The following SYNJ2 variants were observed in gnomAD, a reference collection of about 807,000 sequenced individuals.
SYNJ2 encodes polyphosphatidylinositol phosphatase SYNJ2.
In SYNJ2, 116 loss-of-function variants were observed where a neutral mutation model predicts 141.3. The ratio of observed to expected loss-of-function variants is 0.82; its 90% CI spans 0.71 to 0.96. SYNJ2 has a LOEUF of 0.96. SYNJ2 is among the 40% of genes least tolerant of loss of function. The probability of loss-of-function intolerance (pLI) is 0.00; values close to 1 mark genes in which losing one functional copy is unlikely to be tolerated. For synonymous variants in SYNJ2, 745 were observed against 777.7 expected (o/e 0.96, Z 0.70); for missense variants, 1,873 against 1,934.8 (o/e 0.97, Z 0.60).
At chr6:157,996,472 C>T (rs2128317715) in intron 1 of SYNJ2, among the ~76,000 whole-genome samples, 1 of 152,252 alleles carries the variant, frequency 6.6e-6, no homozygotes, top group South Asian at 2.1e-4. Context: ...CTTTCTCCAC[C>T]CTCATCTCCC....
intron 5 of SYNJ2, among the ~76,000 whole-genome samples, chr6:158,049,360 C>G (rs747926505): frequency 6.6e-6 from 1 of 152,074 alleles, no homozygotes; most frequent in Non-Finnish European, 1.5e-5. Flanking sequence ...TAGGTGACAC[C>G]AGAGAAGGTG....
intron 5 of SYNJ2, among the ~76,000 whole-genome samples, chr6:158,047,792 A>AAAAAAAC (rs1780329978): frequency 6.7e-6 from 1 of 149,262 alleles, no homozygotes; most frequent in Non-Finnish European, 1.5e-5. Context: ...AAAAAAAAAA[A>AAAAAAAC]AAAAAAAAAA....
chr6:158,088,085 G>T (rs2128396979), intron 23 of SYNJ2, among the ~76,000 whole-genome samples: 1 of 58,754 alleles, frequency 1.7e-5, no homozygotes, highest in Non-Finnish European at 3.0e-5. Context: ...TTTTGAGATG[G>T]GCTCATTCTG....
chr6:158,071,717 C>G lies in SYNJ2; in HGVS notation c.2056C>G (p.Leu686Val), dbSNP rs149183400. ...CAGCTTCTGCTTCATATGTAGTCAC[C>G]TGACGGCCGGGCAGTCCCAGGTGAA... Reference protein sequence around the residue: ...STSFCFICSHLTAGQSQVKER... With the variant: ...STSFCFICSHVTAGQSQVKER... The change falls in exon 15 of 27, where the codon CTG (leucine) becomes GTG (valine). Residue 686 changes from leucine to valine, a missense_variant. Physicochemically the swap from Leu to Val is conservative, Grantham distance 32 (BLOSUM62 1). Coordinates refer to ENST00000355585, the MANE Select transcript of SYNJ2 (RefSeq NM_003898.4). This position sits in a 1 kb window ranked among gnomAD's most constrained non-coding sequence, Gnocchi z 4.3. 1.3e-4 allele frequency: 211 copies of G among 1,614,004 alleles called. No individual in the cohort carries two copies. The highest frequency in any genetic ancestry group is 1.7e-4 in the Non-Finnish European group (204 of 1,180,052).
At chr6:158,093,407 G>C (rs1226202921) in intron 26 of SYNJ2, among the ~76,000 whole-genome samples, 35 of 148,588 alleles carry the variant, frequency 2.4e-4, no homozygotes. Flanking sequence ...CTGCATTCCA[G>C]CCTGAGCAGC....
chr6:158,033,103 A>G (rs1427688117), intron 3 of SYNJ2, among the ~76,000 whole-genome samples: 1 of 152,240 alleles, frequency 6.6e-6, no homozygotes, highest in African/African-American at 2.4e-5. Flanking sequence ...TGGGGCCCAC[A>G]GGGCTAACCA....
Position 158,033,828 on chromosome 6 carries a change from T to C in SYNJ2, c.711+148T>C, listed in dbSNP as rs182600174. ...CCTCCTATAAGTGGAGAACAGCACGTGTAATTGGGCTCCACATGAAAATGT... is the reference window on the plus strand; with the variant it reads ...CCTCCTATAAGTGGAGAACAGCACGCGTAATTGGGCTCCACATGAAAATGT... On this transcript the variant is annotated intron_variant, in intron 4 of 26. Transcript: ENST00000355585. The C allele has an allele frequency of 9.8e-4, 734 of 752,246 alleles. 2 individuals are homozygous for C. Among genetic ancestry groups the C allele is most frequent in the Non-Finnish European group, 1.2e-3 (572 of 474,762 alleles). The allele number at this position is 752,246 out of a possible 1,614,324, so 46.6% of individuals were successfully genotyped here. A position where few individuals can be genotyped will look rare whatever the true frequency, so the allele number is the denominator to read the frequency against.
intron 1 of SYNJ2, among the ~76,000 whole-genome samples, chr6:158,004,970 C>T (rs548598012): frequency 4.8e-4 from 73 of 152,134 alleles, no homozygotes; most frequent in Non-Finnish European, 9.3e-4. Context: ...TGCAGCCACT[C>T]GCTCCCATGC....
chr6:158,093,080 G>T lies in SYNJ2; in HGVS notation c.3720G>T (p.Lys1240Asn). 6.2e-7 allele frequency: 1 copy of T among 1,609,538 alleles called. No individual in the cohort carries two copies. Among genetic ancestry groups the T allele is most frequent in the Non-Finnish European group, 8.5e-7 (1 of 1,178,830 alleles). Residue 1240 changes from lysine (K) to asparagine (N), a missense_variant, in exon 26 of 27, where the codon AAG becomes AAT. Lys to Asn is a moderately conservative substitution (Grantham distance 94, BLOSUM62 0). Coordinates refer to ENST00000355585, the MANE Select transcript of SYNJ2 (RefSeq NM_003898.4). ...CACCCAGAGTTCCTGCCATCAAGAA[G>T]CCAACCTTGAGAAGGACAGGAAAGG... The part of the protein sequence containing the change: ...RPPPRVPAIK[K>N]PTLRRTGKPL...
At chr6:158,029,211 AC>A (rs978989241) in intron 3 of SYNJ2, 185 bp downstream of exon 3, 21 of 725,096 alleles carry the variant, frequency 2.9e-5, no homozygotes, top group Non-Finnish European at 3.9e-5. Flanking sequence ...ACTCCCTGCC[AC>A]CCCCCACCCC....
At chr6:158,086,477 G>T (rs953064804) in intron 22 of SYNJ2, among the ~76,000 whole-genome samples, 16 of 152,162 alleles carry the variant, frequency 1.1e-4, no homozygotes, top group East Asian at 5.8e-4. Flanking sequence ...TTCCTCAGCC[G>T]GTGTGTTCTA....
rs1778513325 is a variant in SYNJ2, at chr6:158,017,373, G to C, written c.214+83G>C. Reference sequence around the variant, plus strand: ...TGTGTCGGAAGGGGCCTCAGTGCAGGCATTCTGTTTGACCGCTCTTCTCTC... The same window carrying C: ...TGTGTCGGAAGGGGCCTCAGTGCAGCCATTCTGTTTGACCGCTCTTCTCTC... On this transcript the variant is annotated intron_variant, in intron 2 of 26. Transcript: ENST00000355585. 7 of 1,434,942 alleles carry C rather than the reference G, an allele frequency of 4.9e-6. No individual in the cohort carries two copies. The African/African-American group carries it at 7.2e-5, about 15-fold the overall frequency. The allele number at this position is 1,434,942 out of a possible 1,614,324, so 88.9% of individuals were successfully genotyped here. A position where few individuals can be genotyped will look rare whatever the true frequency, so the allele number is the denominator to read the frequency against.
In SYNJ2 at chr6:158,033,607, G is replaced by T. The variant is rs140274772; in HGVS notation, c.638G>T (p.Arg213Leu). The T allele has an allele frequency of 5.0e-6, 8 of 1,613,704 alleles. No homozygotes were observed. Among genetic ancestry groups the T allele is most frequent in the Admixed American group, 1.7e-5 (1 of 60,036 alleles). The change falls in exon 4 of 27, where the codon CGC becomes CTC. Residue 213 changes from arginine to leucine, a missense_variant. By Grantham distance (102) the Arg-to-Leu change is moderately radical. Transcript: ENST00000355585. ...ACLVSRVSCE[R>L]TGTRFHTRGV... ...CTCGTCTCTCGCGTTAGCTGTGAGC[G>T]CACAGGCACTCGCTTCCACACCCGT... is the stretch of plus-strand genomic sequence containing the variant.
intron 1 of SYNJ2, among the ~76,000 whole-genome samples, chr6:157,997,392 A>G (rs768305473): frequency 2.6e-5 from 4 of 152,200 alleles, no homozygotes; most frequent in African/African-American, 9.7e-5. Context: ...TTATAAGAAG[A>G]AAAGGGACAC....
At chr6:157,988,577 T>C (rs560892070) in intron 1 of SYNJ2, among the ~76,000 whole-genome samples, 1 of 152,246 alleles carries the variant, frequency 6.6e-6, no homozygotes, top group Non-Finnish European at 1.5e-5. Context: ...GTTCCTGGGG[T>C]GCTCAGGGTC....
At chr6:158,072,340 G>A (rs566567794) in intron 15 of SYNJ2, among the ~76,000 whole-genome samples, 2 of 152,336 alleles carry the variant, frequency 1.3e-5, no homozygotes, top group East Asian at 3.9e-4. Context: ...CTGCCCTCTC[G>A]TGGCGGTCCG....
chr6:158,096,344 G>C lies in SYNJ2; in HGVS notation c.4471G>C (p.Asp1491His). 1 of 1,607,540 alleles carries C rather than the reference G, an allele frequency of 6.2e-7. No individual in the cohort carries two copies. Among genetic ancestry groups the C allele is most frequent in the Non-Finnish European group, 8.5e-7 (1 of 1,177,860 alleles). Reference protein sequence around the residue: ...QEKRTALQVFDPLAKT With the variant: ...QEKRTALQVFHPLAKT ...AAAGAGGACAGCACTGCAGGTGTTT[G>C]ACCCACTGGCAAAAACATGACTGAG... is the stretch of plus-strand genomic sequence containing the variant. The change falls in exon 27 of 27, where the codon GAC becomes CAC. Residue 1491 changes from aspartate to histidine, a missense_variant. Asp to His is a moderately conservative substitution (Grantham distance 81, BLOSUM62 -1). Transcript: ENST00000355585.
Position 158,081,109 on chromosome 6 carries a change from A to G in SYNJ2, c.2568A>G (p.Arg856=). The G allele has an allele frequency of 6.2e-7, 1 of 1,613,640 alleles. No homozygotes were observed. The highest frequency in any genetic ancestry group is 8.5e-7 in the Non-Finnish European group (1 of 1,179,974). Residue 856 remains arginine, a splice_region_variant and synonymous_variant, in exon 19 of 27, where the codon AGA becomes AGG. Transcript: ENST00000355585. Reference sequence around the variant, plus strand: ...CATCCCTCTTTTGTTCCTAACGCAGACCTGTGCTGGCGATCGTGGAGGTGG... The same window carrying G: ...CATCCCTCTTTTGTTCCTAACGCAGGCCTGTGCTGGCGATCGTGGAGGTGG... The part of the protein sequence containing the change: ...GRAELQASDH[R]PVLAIVEVEV...
At chr6:158,019,801 T>G (rs1778663019) in intron 2 of SYNJ2, among the ~76,000 whole-genome samples, 1 of 152,222 alleles carries the variant, frequency 6.6e-6, no homozygotes, top group African/African-American at 2.4e-5. Flanking sequence ...GATAATTTGG[T>G]CTGTTTTCAA....
Sources: allele counts gnomAD v4.1 joint callset (sites outside exome capture counted in the v4.1 genomes callset), GRCh38; gene constraint gnomAD v4.1.1; non-coding constraint Gnocchi (gnomAD v3.1); transcripts MANE v1.5; gene names NCBI Gene and HGNC (gene_info 2026-07-23, HGNC 2026-07-21).